The following NIBAN1 variants were observed in gnomAD, a reference collection of about 807,000 sequenced individuals.
The protein encoded by NIBAN1 is protein Niban 1.
A neutral mutation model predicts 75.1 loss-of-function variants in NIBAN1; 81 were observed. The observed-to-expected ratio is 1.08, with a 90% CI of 0.90 to 1.30. The LOEUF (loss-of-function observed/expected upper bound fraction) is 1.30. NIBAN1 is among the 50% of genes most tolerant of loss of function. The probability of loss-of-function intolerance (pLI) is 0.00; values close to 1 mark genes in which losing one functional copy is unlikely to be tolerated. For missense variants in NIBAN1, 1,133 were observed against 1,128.1 expected (o/e 1.00, Z -0.06); for synonymous variants, 436 against 424.8 (o/e 1.03, Z -0.32).
intron 5 of NIBAN1, among the ~76,000 whole-genome samples, chr1:184,842,832 G>T (rs1655330501): frequency 6.6e-6 from 1 of 151,576 alleles, no homozygotes; most frequent in African/African-American, 2.4e-5. Flanking sequence ...ACCTGGAATT[G>T]GATCCAGGAA....
At chr1:184,939,429 C>T (rs1658036909) in intron 1 of NIBAN1, among the ~76,000 whole-genome samples, 1 of 152,190 alleles carries the variant, frequency 6.6e-6, no homozygotes, top group African/African-American at 2.4e-5. Flanking sequence ...GTCACCAAGG[C>T]TCCTCTGCAA....
rs376170792 is a variant in NIBAN1 at position 184,831,977 on chromosome 1, A to T, written c.602-15T>A. On this transcript the variant is annotated splice_polypyrimidine_tract_variant and intron_variant, in intron 5 of 13. Coordinates refer to ENST00000367511, the MANE Select transcript of NIBAN1 (RefSeq NM_052966.4). ...CTTCATGTAATCTAAAGAAAAGAAGAAAGGGCATTCAGCAAGATAAAACAC... is the reference window on the plus strand; with the variant it reads ...CTTCATGTAATCTAAAGAAAAGAAGTAAGGGCATTCAGCAAGATAAAACAC... 42 of 1,591,054 alleles carry T rather than the reference A, an allele frequency of 2.6e-5. No individual in the cohort carries two copies. The highest frequency in any genetic ancestry group is 3.4e-5 in the Non-Finnish European group (39 of 1,159,210).
chr1:184,929,662 CT>C (rs896475393), intron 1 of NIBAN1, among the ~76,000 whole-genome samples: 1 of 151,982 alleles, frequency 6.6e-6, no homozygotes, highest in Non-Finnish European at 1.5e-5. Context: ...GAAAGTATGT[CT>C]TTTTTCCTCC....
At chr1:184,805,617 G>A (rs1267826619) in intron 11 of NIBAN1, among the ~76,000 whole-genome samples, 1 of 152,182 alleles carries the variant, frequency 6.6e-6, no homozygotes, top group East Asian at 1.9e-4. Context: ...GAAGAAAGAG[G>A]CTGTGCCTTG....
intron 1 of NIBAN1, among the ~76,000 whole-genome samples, chr1:184,918,632 C>T (rs1657453368): frequency 6.6e-6 from 1 of 152,218 alleles, no homozygotes; most frequent in Non-Finnish European, 1.5e-5. Flanking sequence ...TGCAAGTCTA[C>T]CTTGAAGCTT....
intron 1 of NIBAN1, among the ~76,000 whole-genome samples, chr1:184,917,185 C>T (rs553309907): frequency 3.8e-4 from 57 of 150,468 alleles, no homozygotes; most frequent in Admixed American, 3.1e-3. Flanking sequence ...TTCTTATCCC[C>T]ATGACTATCT....
chr1:184,922,664 T>C (rs1657589053), intron 1 of NIBAN1, among the ~76,000 whole-genome samples: 1 of 152,236 alleles, frequency 6.6e-6, no homozygotes, highest in African/African-American at 2.4e-5. Flanking sequence ...TGCAGTGCAA[T>C]GGCACAATCT....
intron 1 of NIBAN1, among the ~76,000 whole-genome samples, chr1:184,958,143 G>A (rs1042303842): frequency 2.0e-5 from 3 of 152,242 alleles, no homozygotes; most frequent in Non-Finnish European, 4.4e-5. Flanking sequence ...AAGGCAGGTG[G>A]ATCACTTGAG....
At chr1:184,959,323 G>A (rs763729238) in intron 1 of NIBAN1, among the ~76,000 whole-genome samples, 1 of 152,202 alleles carries the variant, frequency 6.6e-6, no homozygotes, top group Non-Finnish European at 1.5e-5. Context: ...CAGAAACACA[G>A]TAGTCATATT....
At chr1:184,877,048 G>A (rs1166206811) in intron 5 of NIBAN1, among the ~76,000 whole-genome samples, 1 of 152,128 alleles carries the variant, frequency 6.6e-6, no homozygotes, top group African/African-American at 2.4e-5. Context: ...CAAACAGTAA[G>A]TGTTCACAGC....
At chr1:184,876,350 A>T (rs899494137) in intron 5 of NIBAN1, among the ~76,000 whole-genome samples, 3 of 151,804 alleles carry the variant, frequency 2.0e-5, no homozygotes, top group Admixed American at 1.3e-4. Flanking sequence ...TCAAACATAA[A>T]CAGAATGGAC....
chr1:184,870,227 C>G (rs1204692772), intron 5 of NIBAN1, among the ~76,000 whole-genome samples: 1 of 152,168 alleles, frequency 6.6e-6, no homozygotes, highest in African/African-American at 2.4e-5. Flanking sequence ...TGAGTAATAT[C>G]TTCTGATTAA....
intron 1 of NIBAN1, among the ~76,000 whole-genome samples, chr1:184,958,086 G>C (rs1388106733): frequency 6.6e-6 from 1 of 152,176 alleles, no homozygotes; most frequent in East Asian, 1.9e-4. Flanking sequence ...GTAGCCAAAG[G>C]CCTGGCACAG....
At chr1:184,949,857 A>T (rs749098539) in intron 1 of NIBAN1, among the ~76,000 whole-genome samples, 6 of 152,192 alleles carry the variant, frequency 3.9e-5, no homozygotes, top group Admixed American at 6.5e-5. Context: ...GACAATATCC[A>T]CAGAAAATTA....
intron 9 of NIBAN1, among the ~76,000 whole-genome samples, chr1:184,811,513 G>GTTTTTTTTTTGTTT (rs1553215646): frequency 7.2e-6 from 1 of 139,046 alleles, no homozygotes; most frequent in Non-Finnish European, 1.6e-5. Flanking sequence ...TTTTTTTTTT[G>GTTTTTTTTTTGTTT]TTTTTTTTTT....
intron 5 of NIBAN1, among the ~76,000 whole-genome samples, chr1:184,875,091 T>C (rs982824133): frequency 6.6e-6 from 1 of 152,080 alleles, no homozygotes; most frequent in Non-Finnish European, 1.5e-5. Context: ...ATAATAATAA[T>C]AGAAATCAGA....
chr1:184,799,894 C>T lies in NIBAN1; in HGVS notation c.1555-1704G>A, dbSNP rs1309624992. On this transcript the variant is annotated intron_variant, in intron 12 of 13. Transcript: ENST00000367511. ...CCGAGTAGCTGGGACTACAGGCGCC[C>T]GCTACCACGCCCAGCTAATTTTTTG... 5.1e-5 allele frequency among the ~76,000 whole-genome samples: 5 copies of T among 98,240 alleles called. 1 individual carries two copies. Among genetic ancestry groups the T allele is most frequent in the Admixed American group, 1.9e-4 (2 of 10,762 alleles). The allele number at this position is 98,240 out of a possible 152,430, so 64.4% of individuals were successfully genotyped here.
chr1:184,938,825 A>C (rs1658022814), intron 1 of NIBAN1, among the ~76,000 whole-genome samples: 1 of 152,250 alleles, frequency 6.6e-6, no homozygotes, highest in South Asian at 2.1e-4. Flanking sequence ...GACATTTAGT[A>C]AGATTATATT....
At chr1:184,907,009 A>G (rs1460357410) in intron 1 of NIBAN1, among the ~76,000 whole-genome samples, 2 of 152,228 alleles carry the variant, frequency 1.3e-5, no homozygotes, top group East Asian at 3.8e-4. Flanking sequence ...ACTATGATAC[A>G]TTCTATAATC....
Sources: allele counts gnomAD v4.1 joint callset (sites outside exome capture counted in the v4.1 genomes callset), GRCh38; gene constraint gnomAD v4.1.1; transcripts MANE v1.5; gene names NCBI Gene and HGNC (gene_info 2026-07-23, HGNC 2026-07-21).